ARHGAP15: variants seen among roughly 807,000 people sequenced by gnomAD.
ARHGAP15 encodes Rho GTPase activating protein 15, also known as rho GTPase-activating protein 15.
ARHGAP15 carries 51 observed loss-of-function variants against 63.7 expected under a neutral mutation model. That is an observed-to-expected ratio of 0.80 (90% CI 0.64 to 1.01). ARHGAP15 has a LOEUF of 1.01. ARHGAP15 is among the 50% of genes least tolerant of loss of function. ARHGAP15 has a pLI of 0.00. For synonymous variants in ARHGAP15, 191 were observed against 193.8 expected, an observed-to-expected ratio of 0.99 and a Z score of 0.12; for missense variants, 560 against 564.6, an observed-to-expected ratio of 0.99 and a Z score of 0.08.
intron 6 of ARHGAP15, among the ~76,000 whole-genome samples, chr2:143,302,464 G>A (rs970044293): frequency 6.6e-6 from 1 of 151,956 alleles, no homozygotes; most frequent in Non-Finnish European, 1.5e-5. Context: ...GAAAATTTCA[G>A]TCCAATGTGG....
At chr2:143,763,681 T>C (rs1286188107) in intron 13 of ARHGAP15, among the ~76,000 whole-genome samples, 1 of 149,204 alleles carries the variant, frequency 6.7e-6, no homozygotes, top group East Asian at 2.0e-4. Flanking sequence ...ATATGCAAAT[T>C]GCATATGTAT....
intron 2 of ARHGAP15, among the ~76,000 whole-genome samples, chr2:143,181,333 G>A (rs1219693728): frequency 2.0e-5 from 3 of 152,150 alleles, no homozygotes; most frequent in Non-Finnish European, 4.4e-5. Flanking sequence ...TCAACTTAAA[G>A]ACACTGATAA....
At chr2:143,341,781 G>T (rs931357359) in intron 6 of ARHGAP15, among the ~76,000 whole-genome samples, 1 of 152,044 alleles carries the variant, frequency 6.6e-6, no homozygotes, top group Non-Finnish European at 1.5e-5. Flanking sequence ...ATTTAATAAA[G>T]TTAGTAGACC....
chr2:143,351,441 C>CT (rs1270702861), intron 6 of ARHGAP15: 3 of 152,158 alleles, frequency 2.0e-5, no homozygotes, highest in Admixed American at 6.5e-5. Context: ...GAGAGTGAGA[C>CT]TACTGAATTT....
At chr2:143,754,098 G>A (rs1214343125) in intron 13 of ARHGAP15, among the ~76,000 whole-genome samples, 1 of 152,112 alleles carries the variant, frequency 6.6e-6, no homozygotes, top group Non-Finnish European at 1.5e-5. Flanking sequence ...CTTGAATTTG[G>A]TCAGTTAAGA....
chr2:143,187,166 G>T (rs185009903), intron 2 of ARHGAP15, among the ~76,000 whole-genome samples: 1 of 152,200 alleles, frequency 6.6e-6, no homozygotes, highest in African/African-American at 2.4e-5. Flanking sequence ...TTCTGATATG[G>T]TGCGAAAGCA....
chr2:143,509,346 A>G lies in ARHGAP15; in HGVS notation c.827-9920A>G, dbSNP rs182518198. Among the ~76,000 whole-genome samples, 52 of 152,056 alleles carry G rather than the reference A, an allele frequency of 3.4e-4. No homozygotes were observed. The East Asian group carries it at 9.5e-3, about 28-fold the overall frequency. On this transcript the variant is annotated intron_variant, in intron 9 of 13. Coordinates refer to ENST00000295095, the MANE Select transcript of ARHGAP15 (RefSeq NM_018460.4). The stretch of plus-strand genomic sequence containing the variant: ...TTGCCTCTTATGAAAAAAAAAAAAA[A>G]TAAGTAAACAAGGCAATGAGAGAGG...
chr2:143,534,690 G>A (rs1694672906), intron 10 of ARHGAP15, among the ~76,000 whole-genome samples: 1 of 151,938 alleles, frequency 6.6e-6, no homozygotes, highest in African/African-American at 2.4e-5. Flanking sequence ...ATCAACCTGG[G>A]CAACATGGCA....
At chr2:143,449,030 C>T (rs191693015) in intron 8 of ARHGAP15, among the ~76,000 whole-genome samples, 2 of 152,164 alleles carry the variant, frequency 1.3e-5, no homozygotes, top group Admixed American at 6.6e-5. Flanking sequence ...CATGCTATGA[C>T]AATGCATGAT....
rs2072976056 is a variant in ARHGAP15, at chr2:143,767,962, ATTAT to A, written c.1245-24_1245-21del. 4 of 1,598,444 alleles carry A rather than the reference ATTAT, an allele frequency of 2.5e-6. No homozygotes were observed. In the African/African-American group the frequency reaches 4.1e-5, roughly 16 times the overall value. On this transcript the variant is annotated intron_variant, in intron 13 of 13. Transcript: ENST00000295095. ...TAACTTCACTTCAAACTCCAGTGAAATTATTTTTTTTTCTCTCTCTCCACAGGAT... is the reference window on the plus strand; with the variant it reads ...TAACTTCACTTCAAACTCCAGTGAAATTTTTTTTCTCTCTCTCCACAGGAT...
chr2:143,470,043 A>G (rs1013015561), intron 8 of ARHGAP15, among the ~76,000 whole-genome samples: 8 of 152,058 alleles, frequency 5.3e-5, no homozygotes, highest in African/African-American at 1.9e-4. Context: ...GTCATTAGTC[A>G]CACAGGACTC....
chr2:143,540,652 A>G (rs1347132292), intron 10 of ARHGAP15, among the ~76,000 whole-genome samples: 4 of 152,246 alleles, frequency 2.6e-5, no homozygotes, highest in South Asian at 2.1e-4. Context: ...GTTTGGCTGG[A>G]TATGAAATTC....
At chr2:143,453,006 G>A (rs972895019) in intron 8 of ARHGAP15, among the ~76,000 whole-genome samples, 7 of 151,800 alleles carry the variant, frequency 4.6e-5, no homozygotes, top group East Asian at 1.9e-4. Context: ...CCCATACCAC[G>A]GAAGCATGGT....
intron 12 of ARHGAP15, among the ~76,000 whole-genome samples, chr2:143,655,118 A>G (rs935529545): frequency 6.6e-6 from 1 of 152,136 alleles, no homozygotes; most frequent in Non-Finnish European, 1.5e-5. Context: ...GTAATAACTT[A>G]TTTCCCTGGG....
At chr2:143,356,579 G>A (rs1685818813) in intron 6 of ARHGAP15, among the ~76,000 whole-genome samples, 1 of 151,960 alleles carries the variant, frequency 6.6e-6, no homozygotes, top group African/African-American at 2.4e-5. Flanking sequence ...AGGATTAAAG[G>A]GATTTTCTTT....
chr2:143,664,189 TA>T (rs1316483377), intron 12 of ARHGAP15, among the ~76,000 whole-genome samples: 8 of 152,020 alleles, frequency 5.3e-5, no homozygotes, highest in Non-Finnish European at 1.2e-4. Context: ...TCAGCAAACG[TA>T]AAAGAACAGA....
At chr2:143,416,118 C>G (rs1438419590) in intron 6 of ARHGAP15, among the ~76,000 whole-genome samples, 2 of 148,956 alleles carry the variant, frequency 1.3e-5, no homozygotes, top group Non-Finnish European at 3.0e-5. Flanking sequence ...CCCCAATAAC[C>G]TATGGAAATA....
chr2:143,165,604 C>G (rs1690468446), intron 2 of ARHGAP15, among the ~76,000 whole-genome samples: 1 of 151,980 alleles, frequency 6.6e-6, no homozygotes. Context: ...ATATTCTGTA[C>G]TTAAAAAAAT....
intron 11 of ARHGAP15, 88 bp from the exon 12 acceptor site, chr2:143,624,045 G>T: frequency 6.7e-7 from 1 of 1,493,702 alleles, no homozygotes; most frequent in South Asian, 1.3e-5. Flanking sequence ...GGTTGCTGAT[G>T]ATAGTAGGCA....
Sources: allele counts gnomAD v4.1 joint callset (sites outside exome capture counted in the v4.1 genomes callset), GRCh38; gene constraint gnomAD v4.1.1; transcripts MANE v1.5; gene names NCBI Gene and HGNC (gene_info 2026-07-23, HGNC 2026-07-21).